SPRR2G: variants seen among roughly 807,000 people sequenced by gnomAD.
SPRR2G encodes small proline-rich protein 2G.
SPRR2G carries 1 observed loss-of-function variant against 0.7 expected under a neutral mutation model. That is an observed-to-expected ratio of 1.49 (90% confidence interval 0.53 to 7.06). SPRR2G has a LOEUF of 7.06. SPRR2G is among the 30% of genes most tolerant of loss of function. The probability of loss-of-function intolerance (pLI) is 0.14; values close to 1 mark genes in which losing one functional copy is unlikely to be tolerated. For missense variants in SPRR2G, 96 were observed against 88.5 expected (o/e 1.09, Z -0.34); for synonymous variants, 38 against 33.9 (o/e 1.12, Z -0.42).
upstream of SPRR2G, among the ~76,000 whole-genome samples, chr1:153,151,252 C>G (rs1656462022): frequency 6.6e-6 from 1 of 152,216 alleles, no homozygotes; most frequent in African/African-American, 2.4e-5. Context: ...TAGCTGTGTT[C>G]TCTTTAGTAG....
chr1:153,175,236 A>T, the SPRR2G span, among the ~76,000 whole-genome samples: 2 of 152,164 alleles, frequency 1.3e-5, no homozygotes, highest in Admixed American at 6.5e-5. Flanking sequence ...ATCCCCTATA[A>T]GCTAAACACC....
chr1:153,192,830 T>G, the SPRR2G span, among the ~76,000 whole-genome samples: 5 of 152,228 alleles, frequency 3.3e-5, no homozygotes, highest in Non-Finnish European at 7.3e-5. Flanking sequence ...CTGACACTAC[T>G]GCCTGTGTAG....
chr1:153,154,699 A>G (rs911809211), upstream of SPRR2G, among the ~76,000 whole-genome samples: 5 of 151,546 alleles, frequency 3.3e-5, no homozygotes, highest in African/African-American at 1.2e-4. Flanking sequence ...CAGTTTTCAT[A>G]TCTCCTCTTT....
the SPRR2G span, among the ~76,000 whole-genome samples, chr1:153,202,551 CAGTAAATA>C: frequency 1.3e-5 from 2 of 152,302 alleles, no homozygotes; most frequent in Non-Finnish European, 2.9e-5. Context: ...TCTGCACAGT[CAGTAAATA>C]AGTCCCATGA....
the SPRR2G span, among the ~76,000 whole-genome samples, chr1:153,194,699 T>C: frequency 6.6e-6 from 1 of 152,210 alleles, no homozygotes; most frequent in Non-Finnish European, 1.5e-5. Context: ...TTCTGAATCA[T>C]TGCAATGTGA....
the SPRR2G span, among the ~76,000 whole-genome samples, chr1:153,179,717 C>T: frequency 1.3e-5 from 2 of 152,042 alleles, no homozygotes; most frequent in African/African-American, 4.8e-5. Context: ...CACTTCTCAT[C>T]TTCTCATTAT....
chr1:153,162,728 A>C, the SPRR2G span, among the ~76,000 whole-genome samples: 1 of 152,154 alleles, frequency 6.6e-6, no homozygotes, highest in Admixed American at 6.5e-5. Context: ...CTCATATCAG[A>C]TGTTATGTCT....
In SPRR2G at chr1:153,149,993, G is replaced by A. The variant is rs770290444; in HGVS notation, c.118C>T (p.Pro40Ser). Residue 40 changes from proline to serine, a missense_variant, in exon 2 of 2, where the codon CCT becomes TCT. Coordinates refer to ENST00000368748, the MANE Select transcript of SPRR2G (RefSeq NM_001014291.4). ...PKCPEPYLPP[P>S]CPPEHCPPPP... Reference sequence around the variant, plus strand: ...GGTGGGCAATGCTCAGGTGGACAAGGAGGAGGCAGGTAAGGCTCAGGGCAC... The same window carrying A: ...GGTGGGCAATGCTCAGGTGGACAAGAAGGAGGCAGGTAAGGCTCAGGGCAC... 10 of 1,613,914 alleles carry A rather than the reference G, an allele frequency of 6.2e-6. No homozygotes were observed. Among genetic ancestry groups the A allele is most frequent in the Non-Finnish European group, 8.5e-6 (10 of 1,179,996 alleles).
At chr1:153,156,598 C>T in the SPRR2G span, among the ~76,000 whole-genome samples, 2 of 152,090 alleles carry the variant, frequency 1.3e-5, no homozygotes, top group African/African-American at 4.8e-5. Flanking sequence ...TCCCTATCCT[C>T]CCTCACCCTC....
the SPRR2G span, among the ~76,000 whole-genome samples, chr1:153,161,703 G>T: frequency 6.6e-6 from 1 of 152,160 alleles, no homozygotes; most frequent in African/African-American, 2.4e-5. Flanking sequence ...TAGCTGGTCT[G>T]TTGGAACTCT....
the SPRR2G span, among the ~76,000 whole-genome samples, chr1:153,177,868 CAA>C: frequency 7.0e-6 from 1 of 142,110 alleles, no homozygotes; most frequent in Admixed American, 7.0e-5. Context: ...TTAAGTCCTC[CAA>C]AAAAAAAAGC....
chr1:153,200,425 G>A, the SPRR2G span, among the ~76,000 whole-genome samples: 6 of 152,102 alleles, frequency 3.9e-5, no homozygotes, highest in Non-Finnish European at 7.4e-5. Flanking sequence ...GACAAAAAAC[G>A]ATAGCTAATA....
upstream of SPRR2G, among the ~76,000 whole-genome samples, chr1:153,153,508 G>A (rs540694551): frequency 3.9e-5 from 6 of 152,230 alleles, no homozygotes; most frequent in South Asian, 4.1e-4. Flanking sequence ...TAAAACAACC[G>A]TGTAAAGCTG....
chr1:153,173,868 C>T, the SPRR2G span, among the ~76,000 whole-genome samples: 1 of 152,150 alleles, frequency 6.6e-6, no homozygotes, highest in Non-Finnish European at 1.5e-5. Context: ...GGCCACTCTT[C>T]CACCTGCTCA....
the SPRR2G span, among the ~76,000 whole-genome samples, chr1:153,197,143 T>C: frequency 1.6e-5 from 1 of 61,080 alleles, no homozygotes; most frequent in South Asian, 4.5e-4. Context: ...TGTGTGTGTG[T>C]GTGTGTGTGT....
chr1:153,177,049 CCTGA>C, the SPRR2G span, among the ~76,000 whole-genome samples: 1 of 152,104 alleles, frequency 6.6e-6, no homozygotes, highest in Non-Finnish European at 1.5e-5. Flanking sequence ...TCTGCATTTC[CCTGA>C]CTAATAGTGT....
At chr1:153,188,288 G>T in the SPRR2G span, among the ~76,000 whole-genome samples, 1 of 152,180 alleles carries the variant, frequency 6.6e-6, no homozygotes, top group Non-Finnish European at 1.5e-5. Context: ...TTTTAAGTCT[G>T]CTGAAGCTGC....
chr1:153,195,812 TCA>T, the SPRR2G span, among the ~76,000 whole-genome samples: 1 of 152,126 alleles, frequency 6.6e-6, no homozygotes, highest in South Asian at 2.1e-4. Context: ...ATCTCACTCA[TCA>T]CACACACCTC....
At chr1:153,187,274 G>A in the SPRR2G span, among the ~76,000 whole-genome samples, 3 of 152,054 alleles carry the variant, frequency 2.0e-5, no homozygotes, top group East Asian at 1.9e-4. Context: ...AGTTCTCCTC[G>A]ATAACATCCT....
Sources: gnomAD v4.1 joint callset for allele counts (sites outside exome capture counted in the v4.1 genomes callset) on GRCh38, gnomAD v4.1.1 for gene constraint, MANE v1.5 for transcripts, NCBI Gene and HGNC (gene_info 2026-07-23, HGNC 2026-07-21) for gene names.